The following PRR16 variants were observed in gnomAD, a reference collection of about 807,000 sequenced individuals.
PRR16 encodes protein Largen.
PRR16 carries 6 observed loss-of-function variants against 18.2 expected under a neutral mutation model. That is an observed-to-expected ratio of 0.33 (90% CI 0.18 to 0.65). The LOEUF is 0.65. Among genes scored for constraint, PRR16 ranks in the 30% least tolerant of loss-of-function variants. PRR16 has a pLI of 0.74. For missense variants in PRR16, 412 were observed against 376.6 expected, an observed-to-expected ratio of 1.09 and a Z score of -0.78; for synonymous variants, 151 against 147.8, an observed-to-expected ratio of 1.02 and a Z score of -0.16.
chr5:120,742,215 A>G, the PRR16 span, among the ~76,000 whole-genome samples: 1 of 149,546 alleles, frequency 6.7e-6, no homozygotes, highest in East Asian at 2.0e-4. Context: ...TGAACATGTT[A>G]GTTTGAATTT....
chr5:120,625,284 C>T (rs1754827737), intron 1 of PRR16, among the ~76,000 whole-genome samples: 1 of 152,044 alleles, frequency 6.6e-6, no homozygotes, highest in South Asian at 2.1e-4. Flanking sequence ...AGTTTCTTCC[C>T]CACCAATGAC....
chr5:120,648,533 T>A (rs957583599), intron 1 of PRR16, among the ~76,000 whole-genome samples: 2 of 152,238 alleles, frequency 1.3e-5, no homozygotes, highest in East Asian at 3.9e-4. Context: ...AGTAACATTA[T>A]TTTTCTATTT....
intron 1 of PRR16, among the ~76,000 whole-genome samples, chr5:120,578,526 C>G (rs1753156606): frequency 6.6e-6 from 1 of 152,150 alleles, no homozygotes; most frequent in Non-Finnish European, 1.5e-5. Flanking sequence ...TGTTAGTTTG[C>G]TGAGGACGAT....
chr5:120,730,745 T>C, the PRR16 span, among the ~76,000 whole-genome samples: 6 of 152,142 alleles, frequency 3.9e-5, no homozygotes, highest in Non-Finnish European at 8.8e-5. Flanking sequence ...GTATGAAATA[T>C]AAGATGTCTG....
the PRR16 span, among the ~76,000 whole-genome samples, chr5:120,730,000 C>T: frequency 2.0e-5 from 3 of 152,234 alleles, no homozygotes; most frequent in South Asian, 6.2e-4. Context: ...ATAGACAGGG[C>T]TTTATTCTAC....
the PRR16 span, among the ~76,000 whole-genome samples, chr5:120,747,045 G>C: frequency 1.3e-5 from 2 of 152,164 alleles, no homozygotes; most frequent in Non-Finnish European, 2.9e-5. Flanking sequence ...CATCAGAGTT[G>C]CCAAGAGATT....
Position 120,629,946 on chromosome 5 carries a change from C to T in PRR16, c.160-56008C>T, listed in dbSNP as rs578185828. On this transcript the variant is annotated intron_variant, in intron 1 of 1. Coordinates refer to ENST00000407149, the MANE Select transcript of PRR16 (RefSeq NM_001300783.2). ...TTAATTGGCACTTTATCTGTCTCCT[C>T]TCTGGTTGTTTTCAAGATCTTTTAT... Among the ~76,000 whole-genome samples, 5 of 152,078 alleles carry T rather than the reference C, an allele frequency of 3.3e-5. No individual in the cohort carries two copies. In the East Asian group the frequency reaches 9.7e-4, roughly 29 times the overall value.
chr5:120,631,888 C>G (rs1020193594), intron 1 of PRR16, among the ~76,000 whole-genome samples: 3 of 152,152 alleles, frequency 2.0e-5, no homozygotes, highest in Non-Finnish European at 4.4e-5. Context: ...TCAGCTGATG[C>G]ACTCTTGAAA....
intron 1 of PRR16, chr5:120,617,197 G>A: frequency 1.0e-6 from 1 of 983,938 alleles, no homozygotes; most frequent in Non-Finnish European, 1.2e-6. Context: ...AAGAAGGTCA[G>A]CCCCACCTTA....
the PRR16 span, among the ~76,000 whole-genome samples, chr5:120,751,282 T>TA: frequency 3.3e-5 from 5 of 152,158 alleles, no homozygotes; most frequent in Non-Finnish European, 7.4e-5. Flanking sequence ...CTTCTGGAGA[T>TA]ACACCTAGCA....
intron 1 of PRR16, among the ~76,000 whole-genome samples, chr5:120,679,877 G>A (rs1303870457): frequency 1.3e-5 from 2 of 152,200 alleles, no homozygotes; most frequent in African/African-American, 4.8e-5. Flanking sequence ...TAGGTCAAAG[G>A]ATACGAAATA....
chr5:120,566,498 C>T (rs1324586685), intron 1 of PRR16, among the ~76,000 whole-genome samples: 1 of 152,068 alleles, frequency 6.6e-6, no homozygotes, highest in African/African-American at 2.4e-5. Context: ...TTTGTGTTTA[C>T]CAAAAGTCTA....
At chr5:120,496,448 C>G (rs950799351) in intron 1 of PRR16, among the ~76,000 whole-genome samples, 2 of 151,828 alleles carry the variant, frequency 1.3e-5, no homozygotes, top group Non-Finnish European at 2.9e-5. Context: ...TTATGTTTTT[C>G]AAGGAACTGA....
At chr5:120,537,542 T>A (rs1430221866) in intron 1 of PRR16, among the ~76,000 whole-genome samples, 1 of 151,956 alleles carries the variant, frequency 6.6e-6, no homozygotes, top group Non-Finnish European at 1.5e-5. Flanking sequence ...TGGTTATTAT[T>A]ATATTGGAAG....
At chr5:120,712,525 G>T in the PRR16 span, among the ~76,000 whole-genome samples, 1 of 152,008 alleles carries the variant, frequency 6.6e-6, no homozygotes, top group African/African-American at 2.4e-5. Context: ...GAACCTTACA[G>T]ATTGGGAAAA....
the PRR16 span, among the ~76,000 whole-genome samples, chr5:120,740,449 ATTTCTC>A: frequency 6.6e-6 from 1 of 152,058 alleles, no homozygotes; most frequent in African/African-American, 2.4e-5. Flanking sequence ...TCTTGTGTTC[ATTTCTC>A]TTTTAAACAT....
the PRR16 span, among the ~76,000 whole-genome samples, chr5:120,734,004 C>G: frequency 6.6e-6 from 1 of 152,132 alleles, no homozygotes; most frequent in Non-Finnish European, 1.5e-5. Flanking sequence ...AAAAAAAAAT[C>G]TACTTATTCA....
intron 1 of PRR16, among the ~76,000 whole-genome samples, chr5:120,560,765 C>T (rs1752550097): frequency 1.1e-5 from 1 of 93,594 alleles, no homozygotes; most frequent in Admixed American, 9.3e-5. Context: ...GGGTCCCACA[C>T]TTTACTGGGA....
At chr5:120,479,281 GT>G (rs1467476380) in intron 1 of PRR16, among the ~76,000 whole-genome samples, 1 of 152,014 alleles carries the variant, frequency 6.6e-6, no homozygotes, top group African/African-American at 2.4e-5. Flanking sequence ...TTTCATATGC[GT>G]TTTCAATCTG....
Sources: gnomAD v4.1 joint callset for allele counts (sites outside exome capture counted in the v4.1 genomes callset) on GRCh38, gnomAD v4.1.1 for gene constraint, MANE v1.5 for transcripts, NCBI Gene and HGNC (gene_info 2026-07-23, HGNC 2026-07-21) for gene names.